The following RNF168 variants were observed in gnomAD, a reference collection of about 807,000 sequenced individuals.
RNF168 encodes the protein E3 ubiquitin-protein ligase RNF168.
In RNF168, 34 loss-of-function variants were observed where a neutral mutation model predicts 34.9. That is an observed-to-expected ratio of 0.97 (90% CI 0.74 to 1.30). RNF168 has a LOEUF of 1.30. Ranked by LOEUF, RNF168 falls within the 50% of genes most tolerant of loss-of-function variation. The probability of loss-of-function intolerance (pLI) is 0.00; values close to 1 mark genes in which losing one functional copy is unlikely to be tolerated. For synonymous variants in RNF168, 264 were observed against 254.7 expected (o/e 1.04, Z -0.35); for missense variants, 725 against 682.5 (o/e 1.06, Z -0.69).
chr3:196,488,702 G>C lies in RNF168; in HGVS notation c.302-19C>G. The C allele has an allele frequency of 6.6e-7, 1 of 1,525,722 alleles. No homozygotes were observed. The highest frequency in any genetic ancestry group is 9.1e-7 in the Non-Finnish European group (1 of 1,100,926). The allele number at this position is 1,525,722 out of a possible 1,614,324, so 94.5% of individuals were successfully genotyped here. Reference sequence around the variant, plus strand: ...TCATCAGCTATTTCATATCAAAAAAGAAAATAACATTATAGGCAACACAAT... The same window carrying C: ...TCATCAGCTATTTCATATCAAAAAACAAAATAACATTATAGGCAACACAAT... On this transcript the variant is annotated intron_variant, in intron 1 of 5. Coordinates refer to ENST00000318037, the MANE Select transcript of RNF168 (RefSeq NM_152617.4).
At chr3:196,494,262 C>G (rs1054448779) in intron 1 of RNF168, among the ~76,000 whole-genome samples, 1 of 152,216 alleles carries the variant, frequency 6.6e-6, no homozygotes, top group Non-Finnish European at 1.5e-5. Flanking sequence ...TCTCGACACT[C>G]TTCAGTTCTG....
intron 3 of RNF168, among the ~76,000 whole-genome samples, chr3:196,484,713 G>C (rs944679655): frequency 1.3e-5 from 2 of 152,008 alleles, no homozygotes; most frequent in Admixed American, 1.3e-4. Flanking sequence ...GACTGCAGTG[G>C]AGTGATCATA....
intron 4 of RNF168, among the ~76,000 whole-genome samples, chr3:196,480,504 T>G (rs192357705): frequency 6.6e-6 from 1 of 152,246 alleles, no homozygotes; most frequent in Non-Finnish European, 1.5e-5. Flanking sequence ...AAAGAAAAAT[T>G]TGAAAAGTTG....
Position 196,471,726 on chromosome 3 carries a change from CA to C in RNF168, c.*92del. On this transcript the variant is annotated 3_prime_UTR_variant, in exon 6 of 6. Transcript: ENST00000318037. ...AAGGACAATGAGTGTGCCTAGAGAG[CA>C]GCATGAATGACACATGGATGAAGAT... is the stretch of plus-strand genomic sequence containing the variant. The C allele has an allele frequency of 1.2e-6, 1 of 853,856 alleles. No individual in the cohort carries two copies. Among genetic ancestry groups the C allele is most frequent in the Non-Finnish European group, 2.0e-6 (1 of 498,394 alleles). The allele number at this position is 853,856 out of a possible 1,614,324, so 52.9% of individuals were successfully genotyped here.
chr3:196,487,558 G>C lies in RNF168; in HGVS notation c.399C>G (p.Ala133=), dbSNP rs748161208. 1 of 1,614,012 alleles carries C rather than the reference G, an allele frequency of 6.2e-7. No homozygotes were observed. The highest frequency in any genetic ancestry group is 2.2e-5 in the East Asian group (1 of 44,886). ...EISKVAAERR[A]SEEEENKASE... ...TGGCTTTGTTTTCTTCTTCCTCGCT[G>C]GCCCGTCGCTCTGCCGCCACCTTAA... Residue 133 remains alanine (A), a synonymous_variant, in exon 3 of 6, where the codon GCC becomes GCG. Transcript: ENST00000318037.
chr3:196,474,444 ATTC>A (rs1194412764), intron 5 of RNF168, among the ~76,000 whole-genome samples: 19 of 134,978 alleles, frequency 1.4e-4, no homozygotes, highest in Non-Finnish European at 2.4e-4. Flanking sequence ...ATCTTGTAAT[ATTC>A]TTTTTTTTTT....
chr3:196,479,723 G>A (rs1032803444), intron 4 of RNF168, among the ~76,000 whole-genome samples: 5 of 151,486 alleles, frequency 3.3e-5, no homozygotes, highest in South Asian at 4.2e-4. Flanking sequence ...CCCCAGTAGC[G>A]GGATTACAGG....
intron 4 of RNF168, among the ~76,000 whole-genome samples, chr3:196,477,776 T>C (rs1732183334): frequency 6.6e-6 from 1 of 152,206 alleles, no homozygotes. Flanking sequence ...AATATATGAA[T>C]ACATGCTCAT....
At chr3:196,480,057 G>A (rs932460465) in intron 4 of RNF168, among the ~76,000 whole-genome samples, 3 of 86,222 alleles carry the variant, frequency 3.5e-5, no homozygotes, top group African/African-American at 5.9e-5. Context: ...GCAAACCTTT[G>A]TAAATATTCC....
At chr3:196,491,728 A>G (rs766811077) in intron 1 of RNF168, among the ~76,000 whole-genome samples, 1 of 152,220 alleles carries the variant, frequency 6.6e-6, no homozygotes, top group Non-Finnish European at 1.5e-5. Context: ...GCTTCAGAGG[A>G]CAGCCAACAC....
rs192581939 is a variant in RNF168 at position 196,503,045 on chromosome 3, G to A, written c.129C>T (p.Thr43=). ...HTLCKPCFQS[T]VEKASLCCPF... ...GACAGCATAAACTCGCCTTTTCGAC[G>A]GTCGACTGGAAGCACGGTTTACACA... The change falls in exon 1 of 6, where the codon ACC becomes ACT. Residue 43 remains threonine (T), a synonymous_variant. Transcript: ENST00000318037. 2.2e-5 allele frequency: 35 copies of A among 1,614,132 alleles called. No homozygotes were observed. The East Asian group carries it at 2.2e-4, about 10-fold the overall frequency.
chr3:196,503,116 T>G lies in RNF168; in HGVS notation c.58A>C (p.Met20Leu). ...SLSECQCGICMEILVEPVTLP... is the reference protein window; with the variant it reads ...SLSECQCGICLEILVEPVTLP... Reference sequence around the variant, plus strand: ...GTGACGGGCTCCACGAGGATTTCCATGCAGATCCCGCACTGGCACTCGGAC... The same window carrying G: ...GTGACGGGCTCCACGAGGATTTCCAGGCAGATCCCGCACTGGCACTCGGAC... Residue 20 changes from methionine (M) to leucine (L), a missense_variant, in exon 1 of 6, where the codon ATG (methionine) becomes CTG (leucine). Physicochemically the swap from Met to Leu is conservative, Grantham distance 15. Coordinates refer to ENST00000318037, the MANE Select transcript of RNF168 (RefSeq NM_152617.4). 1.9e-6 allele frequency: 3 copies of G among 1,614,130 alleles called. No individual in the cohort carries two copies. Among genetic ancestry groups the G allele is most frequent in the East Asian group, 4.5e-5 (2 of 44,874 alleles).
intron 3 of RNF168, among the ~76,000 whole-genome samples, chr3:196,485,784 A>AT (rs62667860): frequency 0.62 from 94,333 of 151,650 alleles, 30,125 homozygotes; most frequent in African/African-American, 0.69. Flanking sequence ...ATACATATAT[A>AT]TTTTTTTATT....
intron 1 of RNF168, among the ~76,000 whole-genome samples, chr3:196,493,453 G>A (rs1205174904): frequency 6.6e-6 from 1 of 151,936 alleles, no homozygotes; most frequent in Non-Finnish European, 1.5e-5. Flanking sequence ...CCCCTTGGCT[G>A]AAGCGATTCT....
rs1194789154 is a variant in RNF168, at chr3:196,472,670, C to G, written c.865G>C (p.Gly289Arg). The change falls in exon 6 of 6, where the codon GGT (glycine) becomes CGT (arginine). Residue 289 changes from glycine to arginine, a missense_variant. Gly to Arg is a moderately radical substitution (Grantham distance 125). Coordinates refer to ENST00000318037, the MANE Select transcript of RNF168 (RefSeq NM_152617.4). ...PQISLGVGEQ[G>R]ADSSIESPMP... ...GGGGACTCTATTGAAGAATCTGCACCTTGTTCTCCAACTCCAAGGGATATC... is the reference window on the plus strand; with the variant it reads ...GGGGACTCTATTGAAGAATCTGCACGTTGTTCTCCAACTCCAAGGGATATC... 2.9e-5 allele frequency: 46 copies of G among 1,605,536 alleles called. No homozygotes were observed. The highest frequency in any genetic ancestry group is 3.8e-5 in the Non-Finnish European group (45 of 1,172,934).
intron 1 of RNF168, among the ~76,000 whole-genome samples, chr3:196,493,858 T>TA (rs60231558): frequency 0.048 from 7,005 of 146,550 alleles, 541 homozygotes; most frequent in African/African-American, 0.17. Context: ...TAAATTTATT[T>TA]TTTTTTTTTT....
intron 1 of RNF168, among the ~76,000 whole-genome samples, chr3:196,502,532 G>C (rs1209442406): frequency 6.6e-6 from 1 of 151,660 alleles, no homozygotes; most frequent in Non-Finnish European, 1.5e-5. Context: ...AGGTTGCAGG[G>C]AGCCGAGATC....
rs63681561 is a variant in RNF168 at position 196,469,941 on chromosome 3, AGTAGG to A, written c.*1873_*1877del. On this transcript the variant is annotated 3_prime_UTR_variant, in exon 6 of 6. Transcript: ENST00000318037. ...ACTAATTTTGATTCTGATGCCTGAT[AGTAGG>A]GTGTGAAAAGCTGTAAAACCCAAAT... 0.12 allele frequency: 18,838 copies of A among 152,192 alleles called. 1,502 individuals are homozygous for A. The highest frequency in any genetic ancestry group is 0.17 in the Non-Finnish European group (11,570 of 67,976). 9.4% of individuals were successfully genotyped at this position (152,192 alleles called of 1,614,324 possible). A position where few individuals can be genotyped will look rare whatever the true frequency, so the allele number is the denominator to read the frequency against.
At chr3:196,477,376 G>A (rs1732174811) in intron 4 of RNF168, among the ~76,000 whole-genome samples, 1 of 152,140 alleles carries the variant, frequency 6.6e-6, no homozygotes, top group Admixed American at 6.5e-5. Context: ...TGTGTCAAAA[G>A]CACCAACAAG....
Sources: gnomAD v4.1 joint callset for allele counts (sites outside exome capture counted in the v4.1 genomes callset) on GRCh38, gnomAD v4.1.1 for gene constraint, MANE v1.5 for transcripts, NCBI Gene and HGNC (gene_info 2026-07-23, HGNC 2026-07-21) for gene names.